P2RY14: variants seen among roughly 807,000 people sequenced by gnomAD.
P2RY14 encodes purinergic receptor P2Y14, also known as P2Y purinoceptor 14.
A neutral mutation model predicts 0.9 loss-of-function variants in P2RY14; 2 were observed. The ratio of observed to expected loss-of-function variants is 2.16; its 90% CI spans 0.88 to 6.79. The LOEUF is 6.79. Among genes scored for constraint, P2RY14 ranks in the 30% most tolerant of loss-of-function variants. The pLI, the probability that P2RY14 is intolerant of heterozygous loss-of-function variation, is 0.05. For synonymous variants in P2RY14, 158 were observed against 147.2 expected (o/e 1.07, Z -0.53); for missense variants, 378 against 400.1 (o/e 0.94, Z 0.47).
chr3:151,237,902 T>A (rs924371415), intron 1 of P2RY14, among the ~76,000 whole-genome samples: 1 of 152,230 alleles, frequency 6.6e-6, no homozygotes, highest in Non-Finnish European at 1.5e-5. Context: ...TTGGGTTGTT[T>A]ATGCTGTTAC....
intron 1 of P2RY14, among the ~76,000 whole-genome samples, chr3:151,236,163 G>A (rs1444110805): frequency 6.6e-6 from 1 of 152,162 alleles, no homozygotes; most frequent in Non-Finnish European, 1.5e-5. Context: ...TTGCTCTACA[G>A]TTAGAAGCTC....
intron 1 of P2RY14, among the ~76,000 whole-genome samples, chr3:151,245,566 A>G (rs1735240809): frequency 6.7e-6 from 1 of 150,358 alleles, no homozygotes; most frequent in Non-Finnish European, 1.5e-5. Flanking sequence ...ACAAAATTCA[A>G]CAACCCTTCA....
At chr3:151,249,096 C>G (rs568616163) in intron 1 of P2RY14, 1 of 152,052 alleles carries the variant, frequency 6.6e-6, no homozygotes, top group African/African-American at 2.4e-5. Flanking sequence ...TCTTTGGAGC[C>G]CAGCTCTAAT....
chr3:151,218,590 C>T (rs1212409807), intron 2 of P2RY14, among the ~76,000 whole-genome samples: 5 of 152,014 alleles, frequency 3.3e-5, no homozygotes, highest in Non-Finnish European at 7.4e-5. Context: ...ATACTGTGGC[C>T]GGGCACGGTG....
intron 1 of P2RY14, among the ~76,000 whole-genome samples, chr3:151,229,770 A>T (rs1214881448): frequency 6.6e-6 from 1 of 151,646 alleles, no homozygotes; most frequent in African/African-American, 2.4e-5. Flanking sequence ...AGGCGAACTG[A>T]GCAATTCTTA....
At position 151,242,523 on chromosome 3, in the gene P2RY14, G is replaced by A. The variant is rs549227477; in HGVS notation, c.-132-22881C>T. Among the ~76,000 whole-genome samples the A allele has an allele frequency of 1.2e-4, 18 of 151,860 alleles. No homozygotes were observed. In the South Asian group the frequency reaches 1.2e-3, roughly 10 times the overall value. ...CAGGGGCACACTGACACCTCACACA[G>A]CAGGGTATTCCAACAGACCTGCAGC... On this transcript the variant is annotated intron_variant, in intron 1 of 2. Transcript: ENST00000309170.
chr3:151,244,088 C>T lies in P2RY14; in HGVS notation c.-132-24446G>A, dbSNP rs542638887. 1.8e-5 allele frequency among the ~76,000 whole-genome samples: 2 copies of T among 113,082 alleles called. 1 individual carries two copies. Among genetic ancestry groups the T allele is most frequent in the Admixed American group, 1.9e-4 (2 of 10,488 alleles). The allele number at this position is 113,082 out of a possible 152,430, so 74.2% of individuals were successfully genotyped here. A position where few individuals can be genotyped will look rare whatever the true frequency, so the allele number is the denominator to read the frequency against. On this transcript the variant is annotated intron_variant, in intron 1 of 2. Transcript: ENST00000309170. ...CTAACTCTCCCAAATATATATGCAC[C>T]CAATACAGGAGCACCAAGATTCATA... is the stretch of plus-strand genomic sequence containing the variant.
chr3:151,237,366 T>TTTTG (rs1559917884), intron 1 of P2RY14, among the ~76,000 whole-genome samples: 1 of 137,520 alleles, frequency 7.3e-6, no homozygotes, highest in Non-Finnish European at 1.5e-5. Context: ...TTTTTTTTTT[T>TTTTG]GAGACAGAGT....
At chr3:151,272,971 TTTGAGGGC>T (rs1247015220) in intron 1 of P2RY14, among the ~76,000 whole-genome samples, 1 of 152,158 alleles carries the variant, frequency 6.6e-6, no homozygotes, top group Non-Finnish European at 1.5e-5. Flanking sequence ...TCCGAAACTT[TTTGAGGGC>T]TGACATGACT....
chr3:151,233,478 A>C (rs1198012861), intron 1 of P2RY14, among the ~76,000 whole-genome samples: 2 of 152,248 alleles, frequency 1.3e-5, no homozygotes, highest in African/African-American at 4.8e-5. Flanking sequence ...TCCCGCCTGT[A>C]ATCCCAACAC....
chr3:151,277,644 G>A (rs1441624384), intron 1 of P2RY14, among the ~76,000 whole-genome samples: 1 of 152,160 alleles, frequency 6.6e-6, no homozygotes, highest in Non-Finnish European at 1.5e-5. Flanking sequence ...AATTTATAAT[G>A]TTTAAAGAAT....
chr3:151,271,649 C>T (rs572239774), intron 1 of P2RY14, among the ~76,000 whole-genome samples: 67 of 152,304 alleles, frequency 4.4e-4, no homozygotes, highest in African/African-American at 1.6e-3. Flanking sequence ...GTGGTATACT[C>T]ATAGAATACC....
chr3:151,215,908 TC>T (rs1425477439), intron 2 of P2RY14, among the ~76,000 whole-genome samples: 1 of 152,202 alleles, frequency 6.6e-6, no homozygotes. Flanking sequence ...GCACAGACTT[TC>T]ATTTGTGTGG....
chr3:151,236,922 C>T (rs1179207899), intron 1 of P2RY14, among the ~76,000 whole-genome samples: 4 of 151,784 alleles, frequency 2.6e-5, no homozygotes, highest in Non-Finnish European at 2.9e-5. Flanking sequence ...TGAGTCATGC[C>T]GAGATGCATA....
At chr3:151,263,769 C>T (rs921468060) in intron 1 of P2RY14, among the ~76,000 whole-genome samples, 2 of 152,166 alleles carry the variant, frequency 1.3e-5, no homozygotes, top group South Asian at 4.1e-4. Context: ...TACCACCCCC[C>T]CCACTTATCA....
intron 1 of P2RY14, among the ~76,000 whole-genome samples, chr3:151,227,575 CTTTG>C (rs751604802): frequency 1.3e-5 from 2 of 152,226 alleles, no homozygotes; most frequent in African/African-American, 2.4e-5. Flanking sequence ...CCTGTCTTCA[CTTTG>C]TGATTATGCA....
In P2RY14 at chr3:151,223,618, T is replaced by C. The variant is rs55645954; in HGVS notation, c.-132-3976A>G. 5.0e-3 allele frequency among the ~76,000 whole-genome samples: 768 copies of C among 152,258 alleles called. 2 individuals are homozygous for C. The highest frequency in any genetic ancestry group is 0.014 in the African/African-American group (594 of 41,546). On this transcript the variant is annotated intron_variant, in intron 1 of 2. Coordinates refer to ENST00000309170, the MANE Select transcript of P2RY14 (RefSeq NM_014879.4). ...ACCAAATACCACATATTTTCACTTATAAGTGGGAACTAAACATTGGATACA... is the reference window on the plus strand; with the variant it reads ...ACCAAATACCACATATTTTCACTTACAAGTGGGAACTAAACATTGGATACA...
rs113490206 is a variant in P2RY14 at position 151,233,828 on chromosome 3, T to G, written c.-132-14186A>C. Among the ~76,000 whole-genome samples the G allele has an allele frequency of 6.8e-3, 1,040 of 152,352 alleles. 7 individuals are homozygous for G. Among genetic ancestry groups the G allele is most frequent in the South Asian group, 0.016 (76 of 4,826 alleles). ...CTGTTCCTCCTCTGCCATCCGCCTT[T>G]CTCCGCCTTGTGGTAACTCTGTCCT... is the stretch of plus-strand genomic sequence containing the variant. On this transcript the variant is annotated intron_variant, in intron 1 of 2. Transcript: ENST00000309170.
chr3:151,242,503 G>A (rs563322688), intron 1 of P2RY14, among the ~76,000 whole-genome samples: 1 of 152,188 alleles, frequency 6.6e-6, no homozygotes, highest in Non-Finnish European at 1.5e-5. Flanking sequence ...CCCAGCAGGG[G>A]CACACTGACA....
Sources: allele counts gnomAD v4.1 joint callset (sites outside exome capture counted in the v4.1 genomes callset), GRCh38; gene constraint gnomAD v4.1.1; transcripts MANE v1.5; gene names NCBI Gene and HGNC (gene_info 2026-07-23, HGNC 2026-07-21).